VPS54: variants seen among roughly 807,000 people sequenced by gnomAD.
VPS54 encodes the protein vacuolar protein sorting-associated protein 54.
A neutral mutation model predicts 121.5 loss-of-function variants in VPS54; 45 were observed. The observed-to-expected ratio is 0.37, with a 90% CI of 0.29 to 0.47. The LOEUF is 0.47. VPS54 is among the 20% of genes least tolerant of loss of function. The probability of loss-of-function intolerance (pLI) is 0.99; values close to 1 mark genes in which losing one functional copy is unlikely to be tolerated. For missense variants in VPS54, 1,090 were observed against 1,131.4 expected (o/e 0.96, Z 0.52); for synonymous variants, 371 against 385.8 (o/e 0.96, Z 0.45).
chr2:63,975,023 C>T, intron 3 of VPS54: 1 of 1,549,316 alleles, frequency 6.5e-7, no homozygotes, highest in Non-Finnish European at 8.7e-7. Flanking sequence ...CTAGTTTCCC[C>T]ATTAGCTACA....
chr2:63,915,656 G>C (rs1445646663), intron 16 of VPS54, among the ~76,000 whole-genome samples: 1 of 152,130 alleles, frequency 6.6e-6, no homozygotes, highest in Non-Finnish European at 1.5e-5. Context: ...CAGTAGTTAA[G>C]GAGGGAAATC....
chr2:63,962,586 T>C lies in VPS54; in HGVS notation c.625-143A>G, dbSNP rs918506615. 12 of 1,068,740 alleles carry C rather than the reference T, an allele frequency of 1.1e-5. No homozygotes were observed. In the African/African-American group the frequency reaches 1.5e-4, roughly 13 times the overall value. The allele number at this position is 1,068,740 out of a possible 1,614,324, so 66.2% of individuals were successfully genotyped here. ...TTGTTTGATTGTGAGATCCTTGAAA[T>C]TGGGCACAACAAAATGGAAGGAAGA... On this transcript the variant is annotated intron_variant, in intron 6 of 22. Coordinates refer to ENST00000272322, the MANE Select transcript of VPS54 (RefSeq NM_016516.3).
At chr2:63,952,743 C>G (rs1675312800) in intron 7 of VPS54, among the ~76,000 whole-genome samples, 1 of 152,142 alleles carries the variant, frequency 6.6e-6, no homozygotes, top group Non-Finnish European at 1.5e-5. Flanking sequence ...TTACAGTAGA[C>G]TAATTTAGAA....
chr2:63,971,747 A>G (rs984674501), intron 4 of VPS54, among the ~76,000 whole-genome samples: 1 of 152,208 alleles, frequency 6.6e-6, no homozygotes, highest in Admixed American at 6.5e-5. Context: ...ATTCAGGACA[A>G]CATCAGTTCT....
intron 1 of VPS54, among the ~76,000 whole-genome samples, chr2:63,985,592 C>A (rs542752042): frequency 2.0e-5 from 3 of 151,970 alleles, no homozygotes; most frequent in Admixed American, 6.6e-5. Flanking sequence ...ATAATGAACA[C>A]TGAATAATCA....
intron 1 of VPS54, among the ~76,000 whole-genome samples, chr2:64,007,273 T>C (rs1678206017): frequency 6.6e-6 from 1 of 152,022 alleles, no homozygotes; most frequent in South Asian, 2.1e-4. Flanking sequence ...GATGACAAAA[T>C]TGTGCCCGTG....
In VPS54 at chr2:63,933,716, C is replaced by G; in HGVS notation, c.1696G>C (p.Glu566Gln). ...ECTTDSSSSK[E>Q]HTSSSAIPGG... ...GGAATAGCAGATGATGATGTGTGCT[C>G]TTTGCTGGATGAAGAATCAGTAGTA... Residue 566 changes from glutamate to glutamine, a missense_variant, in exon 12 of 23, where the codon GAG becomes CAG. Transcript: ENST00000272322. 3 of 1,613,614 alleles carry G rather than the reference C, an allele frequency of 1.9e-6. No individual in the cohort carries two copies. Among genetic ancestry groups the G allele is most frequent in the Non-Finnish European group, 2.5e-6 (3 of 1,179,770 alleles).
rs186953824 is a variant in VPS54, at chr2:64,016,168, A to G, written c.-21+2770T>C. On this transcript the variant is annotated intron_variant, in intron 1 of 22. Coordinates refer to ENST00000272322, the MANE Select transcript of VPS54 (RefSeq NM_016516.3). ...CTTTTCCCTGATATTCTAATATTCA[A>G]TGACAAAAATGCCCACTTTTACTTA... Among the ~76,000 whole-genome samples, 33 of 152,318 alleles carry G rather than the reference A, an allele frequency of 2.2e-4. 1 individual carries two copies. The highest frequency in any genetic ancestry group is 2.2e-3 in the Admixed American group (33 of 15,296).
Position 64,009,697 on chromosome 2 carries a change from C to A in VPS54, c.-21+9241G>T, listed in dbSNP as rs144975751. Among the ~76,000 whole-genome samples the A allele has an allele frequency of 2.6e-5, 4 of 152,146 alleles. No individual in the cohort carries two copies. In the East Asian group the frequency reaches 7.7e-4, roughly 29 times the overall value. On this transcript the variant is annotated intron_variant, in intron 1 of 22. Coordinates refer to ENST00000272322, the MANE Select transcript of VPS54 (RefSeq NM_016516.3). ...CCTGTAACGTGGGATAAATATACTA[C>A]TTTGGCGCATCATTTTAGCACTTTC...
chr2:63,971,345 G>C (rs1183775158), intron 4 of VPS54, among the ~76,000 whole-genome samples: 23 of 152,124 alleles, frequency 1.5e-4, no homozygotes, highest in Non-Finnish European at 3.1e-4. Context: ...TCATAAATCT[G>C]ATCATGCCTA....
At position 64,019,325 on chromosome 2, in the gene VPS54, C is replaced by T. The variant is rs1423707537; in HGVS notation, c.-408G>A. Among the ~76,000 whole-genome samples, 2 of 150,612 alleles carry T rather than the reference C, an allele frequency of 1.3e-5. No individual in the cohort carries two copies. The highest frequency in any genetic ancestry group is 4.8e-5 in the African/African-American group (2 of 41,342). On this transcript the variant is annotated 5_prime_UTR_variant, in exon 1 of 23. Transcript: ENST00000272322. ...GACCACTGCCTCTAGCGCTTCTGCT[C>T]CCGACTCCACTGCTTTCCCTCACCC...
At chr2:63,978,375 T>C (rs540213619) in intron 3 of VPS54, among the ~76,000 whole-genome samples, 1 of 152,250 alleles carries the variant, frequency 6.6e-6, no homozygotes, top group African/African-American at 2.4e-5. Context: ...TTTAAGGAGG[T>C]ACCCACTCTC....
intron 12 of VPS54, among the ~76,000 whole-genome samples, chr2:63,932,620 C>G (rs531125145): frequency 6.6e-6 from 1 of 150,378 alleles, no homozygotes; most frequent in African/African-American, 2.5e-5. Flanking sequence ...CAAAACTGCA[C>G]TTTCTGCACA....
intron 7 of VPS54, among the ~76,000 whole-genome samples, chr2:63,960,636 C>T (rs1264483464): frequency 6.6e-6 from 1 of 152,138 alleles, no homozygotes; most frequent in Non-Finnish European, 1.5e-5. Context: ...CATCAACACT[C>T]ATGATATTAT....
chr2:63,925,395 G>A (rs1468278662), intron 12 of VPS54, among the ~76,000 whole-genome samples: 2 of 152,240 alleles, frequency 1.3e-5, no homozygotes, highest in Non-Finnish European at 2.9e-5. Flanking sequence ...GAAGGAAGAT[G>A]TGGAGTGACA....
chr2:64,008,284 T>G (rs1240820980), intron 1 of VPS54, among the ~76,000 whole-genome samples: 2 of 151,888 alleles, frequency 1.3e-5, no homozygotes, highest in Non-Finnish European at 2.9e-5. Context: ...CATGGTGGCA[T>G]GCACCTGTAA....
chr2:63,919,421 T>C (rs1673534227), intron 15 of VPS54, among the ~76,000 whole-genome samples: 1 of 152,102 alleles, frequency 6.6e-6, no homozygotes, highest in African/African-American at 2.4e-5. Context: ...CAATTCTGTC[T>C]CAATATAGGA....
intron 1 of VPS54, among the ~76,000 whole-genome samples, chr2:63,993,485 G>C (rs1209426169): frequency 3.9e-5 from 6 of 152,132 alleles, no homozygotes; most frequent in Non-Finnish European, 8.8e-5. Context: ...TCAACATAAT[G>C]ATTTAGCGGA....
rs187481156 is a variant in VPS54 at position 63,981,723 on chromosome 2, T to C, written c.301A>G (p.Thr101Ala). 26 of 1,613,734 alleles carry C rather than the reference T, an allele frequency of 1.6e-5. No individual in the cohort carries two copies. Among genetic ancestry groups the C allele is most frequent in the African/African-American group, 1.1e-4 (8 of 75,046 alleles). Residue 101 changes from threonine to alanine, a missense_variant, in exon 3 of 23, where the codon ACT becomes GCT. Thr to Ala is a moderately conservative substitution (Grantham distance 58). Around this residue, in one of 2 missense-constraint regions of VPS54, gnomAD observed 801 missense variants for 757.0 expected, o/e 1.06. Coordinates refer to ENST00000272322, the MANE Select transcript of VPS54 (RefSeq NM_016516.3). ...TKTWGLDFVD[T>A]EVIPSFYLPQ... ...AGGTAGAATGAAGGTATGACTTCAG[T>C]GTCCACAAAGTCCAATCCCCATGTT...
Sources: gnomAD v4.1 joint callset for allele counts (sites outside exome capture counted in the v4.1 genomes callset) on GRCh38, gnomAD v4.1.1 for gene constraint, gnomAD v4.1.1 regional missense constraint, MANE v1.5 for transcripts, NCBI Gene and HGNC (gene_info 2026-07-23, HGNC 2026-07-21) for gene names.